The following PDE4D variants were observed in gnomAD, a reference collection of about 807,000 sequenced individuals.
The protein encoded by PDE4D is 3',5'-cyclic-AMP phosphodiesterase 4D.
A neutral mutation model predicts 87.4 loss-of-function variants in PDE4D; 24 were observed. The observed-to-expected ratio is 0.27, with a 90% CI of 0.20 to 0.39. PDE4D has a LOEUF of 0.39. Ranked by LOEUF, PDE4D falls within the 10% of genes least tolerant of loss-of-function variation. PDE4D has a pLI of 1.00. For missense variants in PDE4D, 714 were observed against 1,041.0 expected (o/e 0.69, Z 4.32); for synonymous variants, 384 against 383.2 (o/e 1.00, Z -0.02).
intron 1 of PDE4D, among the ~76,000 whole-genome samples, chr5:59,496,432 G>T (rs1306895265): frequency 6.6e-6 from 1 of 152,134 alleles, no homozygotes; most frequent in Non-Finnish European, 1.5e-5. Flanking sequence ...CACAGGCCTG[G>T]GGGTGGAGCC....
intron 1 of PDE4D, among the ~76,000 whole-genome samples, chr5:59,467,780 T>C (rs1473593164): frequency 6.6e-6 from 1 of 152,216 alleles, no homozygotes; most frequent in Non-Finnish European, 1.5e-5. Context: ...ACATAAAACA[T>C]GAAATAAATT....
intron 3 of PDE4D, among the ~76,000 whole-genome samples, chr5:59,933,041 A>G (rs1410415552): frequency 6.6e-6 from 1 of 152,138 alleles, no homozygotes; most frequent in Non-Finnish European, 1.5e-5. Context: ...TGAGGTGGCT[A>G]TCTGGTCTCC....
chr5:59,159,302 T>A (rs963926322), intron 5 of PDE4D, among the ~76,000 whole-genome samples: 1 of 98,304 alleles, frequency 1.0e-5, no homozygotes, highest in Non-Finnish European at 2.4e-5. Flanking sequence ...CTAATTTTTG[T>A]ATTTTTTTTT....
intron 1 of PDE4D, among the ~76,000 whole-genome samples, chr5:59,707,129 C>G (rs1482573016): frequency 6.6e-6 from 1 of 152,140 alleles, no homozygotes; most frequent in Non-Finnish European, 1.5e-5. Flanking sequence ...ATTTTAAAAA[C>G]TGTACGTCTT....
At chr5:59,670,200 G>A (rs1746960895) in intron 1 of PDE4D, among the ~76,000 whole-genome samples, 1 of 152,234 alleles carries the variant, frequency 6.6e-6, no homozygotes, top group South Asian at 2.1e-4. Flanking sequence ...TTTTTGTGAA[G>A]ATTAATTGGT....
chr5:59,124,734 T>C (rs1460118372), intron 5 of PDE4D, among the ~76,000 whole-genome samples: 2 of 152,180 alleles, frequency 1.3e-5, no homozygotes, highest in Non-Finnish European at 2.9e-5. Flanking sequence ...AGAACATATA[T>C]AGTAAAAAGA....
chr5:59,081,103 T>C (rs917513136), intron 5 of PDE4D, among the ~76,000 whole-genome samples: 2 of 152,298 alleles, frequency 1.3e-5, no homozygotes, highest in South Asian at 2.1e-4. Flanking sequence ...GGAAAGAGCA[T>C]AGAGTCCTGC....
chr5:59,168,312 C>T (rs1170027247), intron 5 of PDE4D, among the ~76,000 whole-genome samples: 1 of 152,154 alleles, frequency 6.6e-6, no homozygotes, highest in East Asian at 1.9e-4. Context: ...TAAGTGGTCC[C>T]AGAAGCAAGG....
chr5:60,322,992 T>A (rs1364397479), intron 1 of PDE4D, among the ~76,000 whole-genome samples: 8 of 152,268 alleles, frequency 5.3e-5, no homozygotes. Context: ...CTTTCATTTT[T>A]GTAACTCTAC....
At chr5:59,218,884 G>A (rs1405543348) in intron 1 of PDE4D, among the ~76,000 whole-genome samples, 1 of 151,850 alleles carries the variant, frequency 6.6e-6, no homozygotes, top group Non-Finnish European at 1.5e-5. Flanking sequence ...ATGAGTTCAT[G>A]TCCTTTGTAG....
chr5:59,533,190 CA>C (rs1037354935), intron 1 of PDE4D, among the ~76,000 whole-genome samples: 106 of 152,194 alleles, frequency 7.0e-4, no homozygotes, highest in African/African-American at 2.4e-3. Flanking sequence ...GCTGATCTTT[CA>C]AAAAATGGCA....
chr5:59,232,120 C>A (rs759382907), intron 1 of PDE4D, among the ~76,000 whole-genome samples: 10 of 152,148 alleles, frequency 6.6e-5, no homozygotes, highest in Non-Finnish European at 1.5e-4. Flanking sequence ...TCGAAATAGG[C>A]TTCCCTTAAG....
intron 6 of PDE4D, among the ~76,000 whole-genome samples, chr5:59,000,157 T>C (rs1384859020): frequency 6.6e-6 from 1 of 152,198 alleles, no homozygotes; most frequent in Non-Finnish European, 1.5e-5. Context: ...TGAGAAAAGA[T>C]GAACGGGGCT....
At chr5:59,224,679 A>G in intron 1 of PDE4D, among the ~76,000 whole-genome samples, 1 of 152,168 alleles carries the variant, frequency 6.6e-6, no homozygotes, top group Middle Eastern at 3.2e-3. Context: ...GGTTAAATCT[A>G]TCTTGTTTCC....
chr5:59,130,510 T>C (rs1776115679), intron 5 of PDE4D, among the ~76,000 whole-genome samples: 1 of 152,232 alleles, frequency 6.6e-6, no homozygotes, highest in African/African-American at 2.4e-5. Flanking sequence ...CAGGAATCCA[T>C]AAATAACATA....
At chr5:59,417,936 A>T (rs1284198473) in intron 1 of PDE4D, among the ~76,000 whole-genome samples, 3 of 152,202 alleles carry the variant, frequency 2.0e-5, no homozygotes, top group Non-Finnish European at 4.4e-5. Context: ...AAAAACAACA[A>T]CAATAACAAC....
At chr5:59,236,958 G>A (rs933668025) in intron 1 of PDE4D, among the ~76,000 whole-genome samples, 3 of 152,084 alleles carry the variant, frequency 2.0e-5, no homozygotes, top group Non-Finnish European at 4.4e-5. Flanking sequence ...CTTTATCACG[G>A]CACTTAGGTT....
intron 1 of PDE4D, among the ~76,000 whole-genome samples, chr5:60,302,358 T>C (rs761152367): frequency 6.6e-6 from 1 of 152,204 alleles, no homozygotes; most frequent in Non-Finnish European, 1.5e-5. Context: ...TTGTTATTGA[T>C]CTGTTCAGGG....
intron 1 of PDE4D, among the ~76,000 whole-genome samples, chr5:60,486,214 A>G (rs1315288970): frequency 6.6e-6 from 1 of 152,138 alleles, no homozygotes; most frequent in Non-Finnish European, 1.5e-5. Flanking sequence ...GATTATATTT[A>G]TTTTATAGAT....
Sources: gnomAD v4.1 joint callset for allele counts (sites outside exome capture counted in the v4.1 genomes callset) on GRCh38, gnomAD v4.1.1 for gene constraint, MANE v1.5 for transcripts, NCBI Gene and HGNC (gene_info 2026-07-23, HGNC 2026-07-21) for gene names.